AK2: variants seen among roughly 807,000 people sequenced by gnomAD.
The protein encoded by AK2 is adenylate kinase 2.
A neutral mutation model predicts 24.6 loss-of-function variants in AK2; 15 were observed. That is an observed-to-expected ratio of 0.61 (90% CI 0.41 to 0.94). The LOEUF (loss-of-function observed/expected upper bound fraction) is 0.94. AK2 is among the 40% of genes least tolerant of loss of function. The pLI is 0.00. For synonymous variants in AK2, 102 were observed against 114.0 expected (o/e 0.90, Z 0.67); for missense variants, 257 against 304.1 (o/e 0.85, Z 1.15).
Position 33,024,477 on chromosome 1 carries a change from T to C in AK2, c.184A>G (p.Lys62Glu), listed in dbSNP as rs1553152664. The C allele has an allele frequency of 6.2e-7, 1 of 1,614,208 alleles. No individual in the cohort carries two copies. Among genetic ancestry groups the C allele is most frequent in the Non-Finnish European group, 8.5e-7 (1 of 1,180,036 alleles). Residue 62 changes from lysine to glutamate, a missense_variant, in exon 2 of 6, where the codon AAA (lysine) becomes GAA (glutamate). Transcript: ENST00000672715. ...GCATCCATAGTTGCCTTCAGCTTTT[T>C]TCCTAGCTCTGAGCCAGAAGCCACC... ...AMVASGSELGKKLKATMDAGK... is the reference protein window; with the variant it reads ...AMVASGSELGEKLKATMDAGK...
intron 1 of AK2, among the ~76,000 whole-genome samples, chr1:33,036,279 C>T (rs1640574704): frequency 6.6e-6 from 1 of 152,158 alleles, no homozygotes. Context: ...TCCTCCCCTC[C>T]CCCTAAGTCA....
intron 4 of AK2, among the ~76,000 whole-genome samples, chr1:33,018,605 A>G (rs1333206142): frequency 2.0e-5 from 3 of 152,320 alleles, no homozygotes; most frequent in Admixed American, 6.5e-5. Context: ...CAGCAGTGAC[A>G]TGCTCTGTGA....
At chr1:33,018,567 C>T (rs2124311206) in intron 4 of AK2, among the ~76,000 whole-genome samples, 1 of 152,366 alleles carries the variant, frequency 6.6e-6, no homozygotes, top group Middle Eastern at 3.4e-3. Context: ...TGCCACTCAT[C>T]TGTTGGGTAA....
chr1:33,011,450 G>T lies in AK2; in HGVS notation c.*1731C>A, dbSNP rs1258397966. ...GGACAGAGGCAGCAGACACTCACTT[G>T]GACCAGGCAAAGAGGGAAGCAAGGT... is the stretch of plus-strand genomic sequence containing the variant. On this transcript the variant is annotated 3_prime_UTR_variant, in exon 6 of 6. Transcript: ENST00000672715. 1 of 1,287,358 alleles carries T rather than the reference G, an allele frequency of 7.8e-7. No individual in the cohort carries two copies. 79.7% of individuals were successfully genotyped at this position (1,287,358 alleles called of 1,614,324 possible). A position where few individuals can be genotyped will look rare whatever the true frequency, so the allele number is the denominator to read the frequency against.
chr1:33,018,019 T>A (rs1639302798), intron 4 of AK2, among the ~76,000 whole-genome samples: 1 of 152,046 alleles, frequency 6.6e-6, no homozygotes, highest in Non-Finnish European at 1.5e-5. Context: ...CCTGTTTAGG[T>A]CCCTACCAAA....
chr1:33,020,188 A>AACACACAC (rs56098182), intron 4 of AK2: 23,922 of 873,770 alleles, frequency 0.027, 189 homozygotes, highest in East Asian at 0.03. Flanking sequence ...AACATGTTAA[A>AACACACAC]ACACACACAC....
In AK2 at chr1:33,013,422, A is replaced by C. The variant is rs1569577079; in HGVS notation, c.499-20T>G. ...GGTGATCTGAGAACAGGAAGACAGCAATGAAAGGCTGGGACTGTTAGCAAG... is the reference window on the plus strand; with the variant it reads ...GGTGATCTGAGAACAGGAAGACAGCCATGAAAGGCTGGGACTGTTAGCAAG... On this transcript the variant is annotated intron_variant, in intron 5 of 5. Transcript: ENST00000672715. 1 of 1,609,112 alleles carries C rather than the reference A, an allele frequency of 6.2e-7. No homozygotes were observed. Among genetic ancestry groups the C allele is most frequent in the Non-Finnish European group, 8.5e-7 (1 of 1,177,448 alleles).
intron 1 of AK2, among the ~76,000 whole-genome samples, chr1:33,029,912 A>G (rs1415701554): frequency 6.6e-5 from 10 of 152,190 alleles, no homozygotes; most frequent in Admixed American, 5.2e-4. Flanking sequence ...AGCTAGAATC[A>G]TATCTTAAAA....
Position 33,009,341 on chromosome 1 carries a change from A to C in AK2, c.*3840T>G, listed in dbSNP as rs1006401457. 2.2e-6 allele frequency: 1 copy of C among 454,162 alleles called. No homozygotes were observed. Among genetic ancestry groups the C allele is most frequent in the East Asian group, 6.9e-5 (1 of 14,396 alleles). 28.1% of individuals were successfully genotyped at this position (454,162 alleles called of 1,614,324 possible). On this transcript the variant is annotated 3_prime_UTR_variant, in exon 6 of 6. Coordinates refer to ENST00000672715, the MANE Select transcript of AK2 (RefSeq NM_001625.4). The stretch of plus-strand genomic sequence containing the variant: ...AGAGGAAATGAATTTAAACTAGGAC[A>C]CACAGAGAAGCAACAAAGAGTGTTA...
Position 33,020,126 on chromosome 1 carries a change from A to C in AK2, c.425+1241T>G, listed in dbSNP as rs774679386. ...AAGCAGTGTTGGTCTGTCAGAACAA[A>C]CGTGTCCAGAAGCAGAGGCATTTCT... On this transcript the variant is annotated intron_variant, in intron 4 of 5. Coordinates refer to ENST00000672715, the MANE Select transcript of AK2 (RefSeq NM_001625.4). The C allele has an allele frequency of 3.9e-6, 6 of 1,535,108 alleles. No homozygotes were observed. In the South Asian group the frequency reaches 7.1e-5, roughly 18 times the overall value.
chr1:33,009,675 C>G lies in AK2; in HGVS notation c.*3506G>C. On this transcript the variant is annotated 3_prime_UTR_variant, in exon 6 of 6. Transcript: ENST00000672715. ...TAACTGGCTGGGATTTGTCCTAGGTCCCCTGAACTCCAAGCACAGTGCTAT... is the reference window on the plus strand; with the variant it reads ...TAACTGGCTGGGATTTGTCCTAGGTGCCCTGAACTCCAAGCACAGTGCTAT... The G allele has an allele frequency of 2.2e-6, 1 of 454,070 alleles. No individual in the cohort carries two copies. The highest frequency in any genetic ancestry group is 4.4e-6 in the Non-Finnish European group (1 of 226,778). The allele number at this position is 454,070 out of a possible 1,614,324, so 28.1% of individuals were successfully genotyped here. A position where few individuals can be genotyped will look rare whatever the true frequency, so the allele number is the denominator to read the frequency against.
At chr1:33,016,728 CAG>C (rs201124857) in intron 4 of AK2, among the ~76,000 whole-genome samples, 2,192 of 151,956 alleles carry the variant, frequency 0.014, 52 homozygotes, top group African/African-American at 0.049. Flanking sequence ...TTTTTTGAGA[CAG>C]AGTCTCATTC....
At chr1:33,028,825 G>A (rs910993365) in intron 1 of AK2, among the ~76,000 whole-genome samples, 8 of 152,160 alleles carry the variant, frequency 5.3e-5, no homozygotes, top group African/African-American at 1.7e-4. Flanking sequence ...ATCATCTAGG[G>A]CATTTCCTAG....
At chr1:33,020,199 AC>A in intron 4 of AK2, 1 of 1,106,984 alleles carries the variant, frequency 9.0e-7, no homozygotes, top group Non-Finnish European at 1.3e-6. Context: ...ACACACACAC[AC>A]ACACACACAC....
chr1:33,031,810 AGGGGTTGGC>A, intron 1 of AK2: 9 of 391,544 alleles, frequency 2.3e-5, no homozygotes, highest in Admixed American at 1.1e-4. Flanking sequence ...AGAAATGAGG[AGGGGTTGGC>A]AAAAAAACCA....
intron 5 of AK2, 28 bp from the exon 6 acceptor site, chr1:33,013,430 G>A: frequency 1.2e-6 from 2 of 1,604,346 alleles, no homozygotes; most frequent in Non-Finnish European, 1.7e-6. Context: ...GCAATGAAAG[G>A]CTGGGACTGT....
intron 1 of AK2, among the ~76,000 whole-genome samples, chr1:33,024,987 C>G (rs1639784079): frequency 1.3e-5 from 2 of 152,080 alleles, no homozygotes; most frequent in African/African-American, 2.4e-5. Context: ...AAGTTCGAGA[C>G]CAGCCTGACC....
chr1:33,012,887 A>G lies in AK2; in HGVS notation c.*294T>C. 7.4e-7 allele frequency: 1 copy of G among 1,347,598 alleles called. No individual in the cohort carries two copies. The highest frequency in any genetic ancestry group is 9.7e-7 in the Non-Finnish European group (1 of 1,028,186). 83.5% of individuals were successfully genotyped at this position (1,347,598 alleles called of 1,614,324 possible). A position where few individuals can be genotyped will look rare whatever the true frequency, so the allele number is the denominator to read the frequency against. ...CACTCCAGCCAGGGTGGCAGAGCGA[A>G]ACCTTGTCTCAAAACAACAACAAAA... On this transcript the variant is annotated 3_prime_UTR_variant, in exon 6 of 6. Transcript: ENST00000672715.
At position 33,008,591 on chromosome 1, in the gene AK2, G is replaced by GGAC. The variant is rs1557602033; in HGVS notation, c.*4587_*4589dup. 2.2e-6 allele frequency: 1 copy of GGAC among 454,036 alleles called. No homozygotes were observed. Among genetic ancestry groups the GGAC allele is most frequent in the Admixed American group, 2.3e-5 (1 of 42,568 alleles). 28.1% of individuals were successfully genotyped at this position (454,036 alleles called of 1,614,324 possible). Reference sequence around the variant, plus strand: ...AATCACTTCAGCAACAAGATCAAGGGGACGGATAAGTGTTAGAGACTGTGT... The same window carrying GGAC: ...AATCACTTCAGCAACAAGATCAAGGGGACGACGGATAAGTGTTAGAGACTGTGT... On this transcript the variant is annotated 3_prime_UTR_variant, in exon 6 of 6. Transcript: ENST00000672715.
Sources: allele counts gnomAD v4.1 joint callset (sites outside exome capture counted in the v4.1 genomes callset), GRCh38; gene constraint gnomAD v4.1.1; transcripts MANE v1.5; gene names NCBI Gene and HGNC (gene_info 2026-07-23, HGNC 2026-07-21).